PHF8: variants seen among roughly 807,000 people sequenced by gnomAD.
PHF8 encodes PHD finger protein 8, also known as histone lysine demethylase PHF8.
PHF8 carries 9 observed loss-of-function variants against 74.4 expected under a neutral mutation model. That is an observed-to-expected ratio of 0.12 (90% CI 0.07 to 0.21). The LOEUF (loss-of-function observed/expected upper bound fraction) is 0.21, where lower values mean the gene tolerates loss of function less well. PHF8 is among the 10% of genes least tolerant of loss of function. The pLI, the probability that PHF8 is intolerant of heterozygous loss-of-function variation, is 1.00. For missense variants in PHF8, 478 were observed against 816.6 expected (o/e 0.59, Z 5.05); for synonymous variants, 311 against 316.6 (o/e 0.98, Z 0.19).
upstream of PHF8, among the ~76,000 whole-genome samples, chrX:54,047,911 C>G (rs1383688343): frequency 1.8e-5 from 2 of 111,665 alleles, no homozygotes; most frequent in Non-Finnish European, 3.8e-5. Context: ...AAGTGTTGGC[C>G]GGGTGTGGTG....
chrX:53,944,907 A>G, intron 19 of PHF8, among the ~76,000 whole-genome samples: 1 of 111,967 alleles, frequency 8.9e-6, no homozygotes, highest in Non-Finnish European at 1.9e-5. Flanking sequence ...CTGCAGTCCC[A>G]GCTGCTCAGG....
rs187263959 is a variant in PHF8 at position 53,990,563 on chromosome X, C to T, written c.1730+2173G>A. On this transcript the variant is annotated intron_variant, in intron 14 of 21. Transcript: ENST00000338154. ...AGTTCTGGACAAAGGCAATATTCAACGGTCTCTCTAATCTTACACTTTAGT... is the reference window on the plus strand; with the variant it reads ...AGTTCTGGACAAAGGCAATATTCAATGGTCTCTCTAATCTTACACTTTAGT... Among the ~76,000 whole-genome samples, 222 of 111,495 alleles carry T rather than the reference C, an allele frequency of 2.0e-3. 1 individual carries two copies. The highest frequency in any genetic ancestry group is 7.0e-3 in the African/African-American group (216 of 30,712).
chrX:53,969,752 A>G (rs2065265056), intron 18 of PHF8, among the ~76,000 whole-genome samples: 1 of 112,294 alleles, frequency 8.9e-6, no homozygotes, highest in Non-Finnish European at 1.9e-5. Flanking sequence ...CCAAAACAGC[A>G]TGGTACTGGC....
In PHF8 at chrX:53,985,799, T is replaced by C. The variant is rs929777775; in HGVS notation, c.2129+17A>G. The C allele has an allele frequency of 4.1e-6, 5 of 1,211,366 alleles. No individual in the cohort carries two copies. The African/African-American group carries it at 5.2e-5, about 13-fold the overall frequency. On this transcript the variant is annotated intron_variant, in intron 17 of 21. Transcript: ENST00000338154. ...TGTCTGATAGCCTGGAAAGGGGAGA[T>C]AAAAGCCAGTACTCACGTGAGGGCA...
At chrX:53,985,339 G>T (rs942109943) in intron 17 of PHF8, 112 bp from the exon 18 acceptor site, 7 of 607,917 alleles carry the variant, frequency 1.2e-5, no homozygotes, top group Non-Finnish European at 1.8e-5. Flanking sequence ...CAAAGTGGGA[G>T]GAAAAAGGGG....
At chrX:53,977,145 G>A (rs1220056100) in intron 18 of PHF8, among the ~76,000 whole-genome samples, 1 of 110,702 alleles carries the variant, frequency 9.0e-6, no homozygotes, top group Non-Finnish European at 1.9e-5. Context: ...GACCAGCCTG[G>A]CCAACATGGT....
At chrX:54,003,914 T>C (rs2065861762) in intron 8 of PHF8, among the ~76,000 whole-genome samples, 1 of 111,717 alleles carries the variant, frequency 9.0e-6, no homozygotes. Context: ...TACTCACCCT[T>C]CTAGTGTTGC....
At chrX:54,003,145 G>A (rs1028447750) in intron 8 of PHF8, among the ~76,000 whole-genome samples, 1 of 111,698 alleles carries the variant, frequency 9.0e-6, no homozygotes, top group Non-Finnish European at 1.9e-5. Flanking sequence ...AACATGTAAT[G>A]GGCTTATAAT....
rs1237786950 is a variant in PHF8 at position 53,984,864 on chromosome X, G to A, written c.2443+50C>T. On this transcript the variant is annotated intron_variant, in intron 18 of 21. Coordinates refer to ENST00000338154, the MANE Select transcript of PHF8 (RefSeq NM_015107.3). ...CTATTGGGACTAGGATGGAGACTGG[G>A]ACTGAGGAGACCCCTTCTGGCCTGA... The A allele has an allele frequency of 5.1e-6, 5 of 987,147 alleles. No individual in the cohort carries two copies. The South Asian group carries it at 5.7e-5, about 11-fold the overall frequency. 81.4% of individuals were successfully genotyped at this position (987,147 alleles called of 1,213,427 possible). A position where few individuals can be genotyped will look rare whatever the true frequency, so the allele number is the denominator to read the frequency against.
intron 2 of PHF8, among the ~76,000 whole-genome samples, chrX:54,034,823 CAAAAAAAAAAAAAA>C (rs1235099588): frequency 1.7e-4 from 3 of 17,602 alleles, no homozygotes; most frequent in Non-Finnish European, 3.4e-4. Context: ...GACTTCGTCT[CAAAAAAAAAAAAAA>C]AAAAAAAAAA....
chrX:54,003,996 T>TA (rs2065862572), intron 8 of PHF8, among the ~76,000 whole-genome samples: 1 of 112,066 alleles, frequency 8.9e-6, no homozygotes, highest in African/African-American at 3.2e-5. Flanking sequence ...TAGTGGTGAA[T>TA]ACCCCTATTG....
At chrX:54,005,435 C>CAA (rs782366736) in intron 8 of PHF8, among the ~76,000 whole-genome samples, 6 of 63,620 alleles carry the variant, frequency 9.4e-5, no homozygotes, top group Non-Finnish European at 1.5e-4. Context: ...CACTCCCTCT[C>CAA]AAAAAAAAAA....
chrX:53,966,450 C>T (rs1462553830), intron 18 of PHF8, among the ~76,000 whole-genome samples: 1 of 112,934 alleles, frequency 8.9e-6, no homozygotes, highest in African/African-American at 3.2e-5. Flanking sequence ...GCCGGGCTGG[C>T]CTCCAGCTCC....
chrX:53,941,002 G>C (rs2064742761), intron 20 of PHF8, among the ~76,000 whole-genome samples: 1 of 112,176 alleles, frequency 8.9e-6, no homozygotes, highest in Non-Finnish European at 1.9e-5. Flanking sequence ...AAAGTAGTTG[G>C]GACCACTATC....
upstream of PHF8, chrX:54,045,097 A>G (rs1423335799): frequency 2.5e-6 from 1 of 395,802 alleles, no homozygotes; most frequent in Non-Finnish European, 4.4e-6. Context: ...TCCTCTGTAA[A>G]GCTGCTGCCA....
chrX:53,943,163 T>C, intron 20 of PHF8: 1 of 859,582 alleles, frequency 1.2e-6, no homozygotes, highest in Non-Finnish European at 1.5e-6. Context: ...AGAACCCCCT[T>C]TTTCAAATTA....
At chrX:54,011,035 G>A (rs1451376156) in intron 8 of PHF8, 87 bp downstream of exon 8, 9 of 822,340 alleles carry the variant, frequency 1.1e-5, no homozygotes, top group East Asian at 9.5e-5. Flanking sequence ...GACATCCCAC[G>A]TAATCAGATT....
chrX:54,002,770 C>A (rs2065845225), intron 8 of PHF8, 88 bp from the exon 9 acceptor site: 1 of 614,084 alleles, frequency 1.6e-6, no homozygotes, highest in Non-Finnish European at 2.7e-6. Context: ...AAACCCAACT[C>A]CTTAAGAGCA....
At chrX:54,044,514 C>G, upstream of PHF8, 1 of 547,433 alleles carries the variant, frequency 1.8e-6, no homozygotes, top group Non-Finnish European at 2.2e-6. Context: ...CCGCCGGCTC[C>G]CGGGTGACGT....
Sources: gnomAD v4.1 joint callset for allele counts (sites outside exome capture counted in the v4.1 genomes callset) on GRCh38, gnomAD v4.1.1 for gene constraint, MANE v1.5 for transcripts, NCBI Gene and HGNC (gene_info 2026-07-23, HGNC 2026-07-21) for gene names.